The following SAAL1 variants were observed in gnomAD, a reference collection of about 807,000 sequenced individuals.
The protein encoded by SAAL1 is protein SAAL1.
SAAL1 carries 42 observed loss-of-function variants against 59.8 expected under a neutral mutation model. The observed-to-expected ratio is 0.70, with a 90% confidence interval of 0.55 to 0.91. The LOEUF (loss-of-function observed/expected upper bound fraction) is 0.91. Among genes scored for constraint, SAAL1 ranks in the 40% least tolerant of loss-of-function variants. The pLI, the probability that SAAL1 is intolerant of heterozygous loss-of-function variation, is 0.00. For missense variants in SAAL1, 542 were observed against 561.1 expected (o/e 0.97, Z 0.34); for synonymous variants, 191 against 194.3 (o/e 0.98, Z 0.14).
In SAAL1 at chr11:18,087,070, A is replaced by G. The variant is rs1158926562; in HGVS notation, c.854-16T>C. The G allele has an allele frequency of 1.2e-6, 2 of 1,609,026 alleles. No individual in the cohort carries two copies. Reference sequence around the variant, plus strand: ...GGACAATGTACTTAATAAAGAGGACAAATAAAGCAGTACTTTAAAATCAGC... The same window carrying G: ...GGACAATGTACTTAATAAAGAGGACGAATAAAGCAGTACTTTAAAATCAGC... On this transcript the variant is annotated splice_polypyrimidine_tract_variant and intron_variant, in intron 8 of 11. Transcript: ENST00000524803.
Position 18,080,445 on chromosome 11 carries a change from GCAAGCGCCTTAT to G in SAAL1, c.1367_1378del (p.Asp456_Leu459del), listed in dbSNP as rs1374359590. On this transcript the variant is annotated inframe_deletion, in exon 12 of 12. Transcript: ENST00000524803. ...TGGGAAGTTTTTTTCCAAGTCATCA[GCAAGCGCCTTAT>G]CAACTTCACGTAGGATTTTAATAAA... 5.0e-6 allele frequency: 8 copies of G among 1,593,570 alleles called. No individual in the cohort carries two copies. The highest frequency in any genetic ancestry group is 6.8e-6 in the Non-Finnish European group (8 of 1,175,080).
intron 2 of SAAL1, among the ~76,000 whole-genome samples, chr11:18,101,144 T>C (rs1332352760): frequency 2.6e-5 from 4 of 152,158 alleles, no homozygotes; most frequent in Non-Finnish European, 5.9e-5. Context: ...TGAGGAGAAA[T>C]TGGACCTGGA....
chr11:18,106,074 C>G lies in SAAL1; in HGVS notation c.-33G>C. 1.3e-6 allele frequency: 2 copies of G among 1,577,202 alleles called. No homozygotes were observed. The highest frequency in any genetic ancestry group is 1.7e-6 in the Non-Finnish European group (2 of 1,169,114). On this transcript the variant is annotated 5_prime_UTR_variant, in exon 1 of 12. Transcript: ENST00000524803. ...TCGCGTCCCGCGCTTGAAGGCCGTG[C>G]CGGAAGCTGCGGAGGAGACGACCGG...
intron 5 of SAAL1, 59 bp from the exon 6 acceptor site, chr11:18,090,349 GGAA>G: frequency 6.4e-7 from 1 of 1,551,348 alleles, no homozygotes; most frequent in Non-Finnish European, 8.7e-7. Flanking sequence ...AAACAGTAAA[GGAA>G]ATTCGAAAAT....
At chr11:18,086,782 T>C (rs1323483550) in intron 9 of SAAL1, 84 bp downstream of exon 9, 2 of 815,990 alleles carry the variant, frequency 2.5e-6, no homozygotes, top group African/African-American at 3.5e-5. Context: ...GTAATGTTTT[T>C]ATAATTAGGG....
chr11:18,094,643 A>G (rs1032364334), intron 3 of SAAL1, among the ~76,000 whole-genome samples: 2 of 152,208 alleles, frequency 1.3e-5, no homozygotes, highest in Non-Finnish European at 2.9e-5. Context: ...GAAAAAGTCC[A>G]TATTCGGGAC....
chr11:18,098,329 C>A (rs1446324583), intron 2 of SAAL1, among the ~76,000 whole-genome samples: 3 of 152,182 alleles, frequency 2.0e-5, no homozygotes, highest in Admixed American at 6.5e-5. Context: ...ACAGAGTCTG[C>A]CACAGTGCCT....
At chr11:18,084,727 TAG>T (rs1228640326) in intron 9 of SAAL1, among the ~76,000 whole-genome samples, 3 of 152,208 alleles carry the variant, frequency 2.0e-5, no homozygotes, top group Admixed American at 1.3e-4. Context: ...CTTAATAAAA[TAG>T]AAACAGATTA....
In SAAL1 at chr11:18,094,210, A is replaced by G. The variant is rs117226658; in HGVS notation, c.334-1886T>C. On this transcript the variant is annotated intron_variant, in intron 3 of 11. Transcript: ENST00000524803. ...AAATCACTGAGGACATACAGAATTC[A>G]GGGTTAGAGAGTACAGCTGACCCTT... is the stretch of plus-strand genomic sequence containing the variant. Among the ~76,000 whole-genome samples, 423 of 152,296 alleles carry G rather than the reference A, an allele frequency of 2.8e-3. 2 individuals are homozygous for G. The highest frequency in any genetic ancestry group is 9.5e-3 in the African/African-American group (393 of 41,558).
At chr11:18,100,113 T>A (rs987354291) in intron 2 of SAAL1, among the ~76,000 whole-genome samples, 25 of 152,230 alleles carry the variant, frequency 1.6e-4, no homozygotes, top group African/African-American at 5.8e-4. Flanking sequence ...AGGTTTTATT[T>A]CTTTTTAAAA....
chr11:18,096,886 T>G (rs774427699), intron 2 of SAAL1, 32 bp from the exon 3 acceptor site: 1 of 1,102,108 alleles, frequency 9.1e-7, no homozygotes, highest in Admixed American at 1.9e-5. Flanking sequence ...AACTTGGATG[T>G]TGAATATTCC....
intron 6 of SAAL1, among the ~76,000 whole-genome samples, chr11:18,089,841 C>T (rs187732000): frequency 4.3e-4 from 65 of 152,286 alleles, no homozygotes; most frequent in Admixed American, 3.3e-3. Context: ...CTTGAACACA[C>T]GAGTTGGAGA....
In SAAL1 at chr11:18,080,346, CAGTG is replaced by C. The variant is rs1330471983; in HGVS notation, c.*49_*52del. 3 of 1,106,222 alleles carry C rather than the reference CAGTG, an allele frequency of 2.7e-6. No individual in the cohort carries two copies. The highest frequency in any genetic ancestry group is 4.0e-6 in the Non-Finnish European group (3 of 752,158). The allele number at this position is 1,106,222 out of a possible 1,614,324, so 68.5% of individuals were successfully genotyped here. ...TTTCCAATAAGTCAATTTCAACTGT[CAGTG>C]AGAAAAATAAAGTTTATTTCTTGTA... On this transcript the variant is annotated 3_prime_UTR_variant, in exon 12 of 12. Transcript: ENST00000524803.
At chr11:18,103,783 G>A (rs1177091511) in intron 1 of SAAL1, among the ~76,000 whole-genome samples, 3 of 152,208 alleles carry the variant, frequency 2.0e-5, no homozygotes, top group Non-Finnish European at 4.4e-5. Flanking sequence ...CTGTAAAGAA[G>A]ACAATAACCA....
In SAAL1 at chr11:18,087,240, TA is replaced by T. The variant is rs1848473753; in HGVS notation, c.771-16del. 1 of 1,551,340 alleles carries T rather than the reference TA, an allele frequency of 6.4e-7. No homozygotes were observed. On this transcript the variant is annotated splice_polypyrimidine_tract_variant and intron_variant, in intron 7 of 11. Coordinates refer to ENST00000524803, the MANE Select transcript of SAAL1 (RefSeq NM_138421.3). ...GATTTTCAGAACTAAATAGGAAAAG[TA>T]AAAGCACTGAATCAACAACTTTACT...
Position 18,090,212 on chromosome 11 carries a change from A to C in SAAL1, c.552T>G (p.Tyr184Ter). The change falls in exon 6 of 12, where the codon TAT becomes TAG. Residue 184 changes from tyrosine (Y) to a stop codon, truncating the protein, a stop_gained. Coordinates refer to ENST00000524803, the MANE Select transcript of SAAL1 (RefSeq NM_138421.3). LOFTEE classifies it high-confidence loss of function. ...TTGACATAATGAAGCAAATGCTATC[A>C]TAAATAGCTGGATGTTCCTGGATCC... ...VERIQEHPAI[Y>*]DSICFIMSSS... The C allele has an allele frequency of 6.2e-7, 1 of 1,605,008 alleles. No homozygotes were observed. The highest frequency in any genetic ancestry group is 8.5e-7 in the Non-Finnish European group (1 of 1,177,188).
chr11:18,081,086 T>C (rs1848404969), intron 11 of SAAL1, among the ~76,000 whole-genome samples: 1 of 152,134 alleles, frequency 6.6e-6, no homozygotes, highest in African/African-American at 2.4e-5. Context: ...GATGAACCTG[T>C]TACCCAGGCA....
At chr11:18,087,309 T>C (rs942990255) in intron 7 of SAAL1, 84 bp from the exon 8 acceptor site, 12 of 840,020 alleles carry the variant, frequency 1.4e-5, no homozygotes, top group Non-Finnish European at 2.3e-5. Flanking sequence ...TAAATATTTA[T>C]TACTCTGCCA....
At chr11:18,097,500 T>G (rs901074813) in intron 2 of SAAL1, among the ~76,000 whole-genome samples, 1 of 152,096 alleles carries the variant, frequency 6.6e-6, no homozygotes, top group African/African-American at 2.4e-5. Flanking sequence ...TCAAACACAT[T>G]TGGTGATTAC....
Sources: allele counts gnomAD v4.1 joint callset (sites outside exome capture counted in the v4.1 genomes callset), GRCh38; gene constraint gnomAD v4.1.1; transcripts MANE v1.5; gene names NCBI Gene and HGNC (gene_info 2026-07-23, HGNC 2026-07-21).